Variants in FAM193A observed in about 807,000 individuals in gnomAD.
FAM193A encodes the protein family with sequence similarity 193 member A, also known as protein FAM193A.
FAM193A carries 22 observed loss-of-function variants against 126.5 expected under a neutral mutation model. That is an observed-to-expected ratio of 0.17 (90% confidence interval 0.12 to 0.25). The LOEUF (loss-of-function observed/expected upper bound fraction) is 0.25. FAM193A is among the 10% of genes least tolerant of loss of function. The pLI is 1.00. For synonymous variants in FAM193A, 761 were observed against 646.8 expected (o/e 1.18, Z -2.68); for missense variants, 1,675 against 1,672.8 (o/e 1.00, Z -0.02).
At chr4:2,557,462 A>G (rs1268339976) in intron 1 of FAM193A, among the ~76,000 whole-genome samples, 2 of 152,218 alleles carry the variant, frequency 1.3e-5, no homozygotes, top group African/African-American at 4.8e-5. Flanking sequence ...GATTTTTAAA[A>G]TGTCCTGTTT....
intron 2 of FAM193A, among the ~76,000 whole-genome samples, chr4:2,612,537 T>C (rs548129538): frequency 6.6e-6 from 1 of 152,302 alleles, no homozygotes; most frequent in Non-Finnish European, 1.5e-5. Flanking sequence ...TTTGCTTGTT[T>C]GTTTTTTTCT....
intron 2 of FAM193A, among the ~76,000 whole-genome samples, chr4:2,598,854 C>T (rs574367618): frequency 2.6e-5 from 4 of 152,170 alleles, no homozygotes; most frequent in African/African-American, 7.2e-5. Context: ...GCAAGGTCTC[C>T]GATGGTGGCA....
Position 2,672,205 on chromosome 4 carries a change from G to T in FAM193A, c.2164G>T (p.Ala722Ser). The T allele has an allele frequency of 1.2e-6, 2 of 1,614,130 alleles. No homozygotes were observed. The highest frequency in any genetic ancestry group is 1.1e-5 in the South Asian group (1 of 91,084). ...GACACCATCTGCAATGACAGCCGGA[G>T]CCCTTCCTCCTGGCCATCAGTTCTT... ...GLTPSAMTAG[A>S]LPPGHQFLSP... Residue 722 changes from alanine (A) to serine (S), a missense_variant, in exon 13 of 21, where the codon GCC (alanine) becomes TCC (serine). This residue lies in a region of FAM193A where 1,186 missense variants were observed against 1,109.2 expected (regional missense o/e 1.07). Transcript: ENST00000637812.
intron 19 of FAM193A, among the ~76,000 whole-genome samples, chr4:2,711,725 G>C (rs1718998264): frequency 6.6e-6 from 1 of 151,864 alleles, no homozygotes; most frequent in South Asian, 2.1e-4. Context: ...GAGGCGGGCA[G>C]ATCACTTGAG....
intron 2 of FAM193A, among the ~76,000 whole-genome samples, chr4:2,620,836 CAAAAAAAAAAA>C (rs34305537): frequency 2.6e-4 from 18 of 69,096 alleles, no homozygotes; most frequent in African/African-American, 1.1e-3. Context: ...AACTCCGTCT[CAAAAAAAAAAA>C]AAAAAAAAAA....
intron 20 of FAM193A, among the ~76,000 whole-genome samples, chr4:2,727,743 C>T: frequency 6.6e-6 from 1 of 152,128 alleles, no homozygotes; most frequent in East Asian, 1.9e-4. Flanking sequence ...GGACATAAAT[C>T]CTTTTTTACT....
At chr4:2,625,715 T>G (rs1742886014) in intron 3 of FAM193A, among the ~76,000 whole-genome samples, 1 of 138,248 alleles carries the variant, frequency 7.2e-6, no homozygotes, top group African/African-American at 2.7e-5. Context: ...GCCCTGGAGC[T>G]CATCTTTTTT....
chr4:2,635,463 A>G (rs1743996631), intron 5 of FAM193A, among the ~76,000 whole-genome samples: 1 of 152,244 alleles, frequency 6.6e-6, no homozygotes, highest in Admixed American at 6.5e-5. Flanking sequence ...CATAAATTGC[A>G]TATTTTAACA....
intron 12 of FAM193A, among the ~76,000 whole-genome samples, chr4:2,667,122 A>G (rs1323922792): frequency 2.6e-5 from 4 of 152,220 alleles, no homozygotes; most frequent in Non-Finnish European, 4.4e-5. Context: ...GTACTTGAAA[A>G]TAATTTGAAC....
intron 15 of FAM193A, among the ~76,000 whole-genome samples, chr4:2,691,997 T>G (rs181130856): frequency 6.6e-6 from 1 of 152,182 alleles, no homozygotes; most frequent in East Asian, 1.9e-4. Context: ...TCATGGAGGT[T>G]AACAAGGGAT....
At chr4:2,633,700 T>C (rs1743822824) in intron 5 of FAM193A, among the ~76,000 whole-genome samples, 1 of 151,932 alleles carries the variant, frequency 6.6e-6, no homozygotes, top group African/African-American at 2.4e-5. Context: ...GAGACCAGCC[T>C]GGCCAACGTG....
chr4:2,623,151 G>A (rs1013216928), intron 2 of FAM193A, among the ~76,000 whole-genome samples: 1 of 151,908 alleles, frequency 6.6e-6, no homozygotes, highest in Non-Finnish European at 1.5e-5. Context: ...CTGTGTGCTG[G>A]CGGCAGCTGA....
At chr4:2,588,639 T>TG (rs1740363476) in intron 1 of FAM193A, among the ~76,000 whole-genome samples, 1 of 152,208 alleles carries the variant, frequency 6.6e-6, no homozygotes, top group African/African-American at 2.4e-5. Context: ...AATTTTGAGA[T>TG]GCTACCTACC....
At chr4:2,576,700 A>G (rs760767223) in intron 1 of FAM193A, among the ~76,000 whole-genome samples, 1 of 152,212 alleles carries the variant, frequency 6.6e-6, no homozygotes, top group Admixed American at 6.5e-5. Flanking sequence ...AACAAAATCT[A>G]TATATCTAAA....
At chr4:2,674,799 A>G (rs1474995629) in intron 13 of FAM193A, among the ~76,000 whole-genome samples, 1 of 151,636 alleles carries the variant, frequency 6.6e-6, no homozygotes. Context: ...TGGGAGCTCA[A>G]GACCAGAGCA....
At chr4:2,629,829 C>T (rs999199834) in intron 4 of FAM193A, among the ~76,000 whole-genome samples, 48 of 152,028 alleles carry the variant, frequency 3.2e-4, no homozygotes, top group Non-Finnish European at 1.2e-4. Context: ...CTGTAGAATA[C>T]GTTTTAAAAT....
chr4:2,664,646 A>C (rs910609597), intron 12 of FAM193A, among the ~76,000 whole-genome samples: 4 of 133,224 alleles, frequency 3.0e-5, no homozygotes, highest in Non-Finnish European at 6.1e-5. Flanking sequence ...GCCTCACTGC[A>C]ACCTCTCCCT....
At chr4:2,537,791 C>A (rs1736978904) in intron 1 of FAM193A, among the ~76,000 whole-genome samples, 1 of 152,194 alleles carries the variant, frequency 6.6e-6, no homozygotes, top group Non-Finnish European at 1.5e-5. Context: ...GCAGCCCTGG[C>A]CCCTCCTCCC....
At chr4:2,562,796 A>G (rs1738703699) in intron 1 of FAM193A, among the ~76,000 whole-genome samples, 1 of 150,964 alleles carries the variant, frequency 6.6e-6, no homozygotes. Context: ...TGCCCAGCTA[A>G]TTTTTGTATT....
Sources: allele counts gnomAD v4.1 joint callset (sites outside exome capture counted in the v4.1 genomes callset), GRCh38; gene constraint gnomAD v4.1.1; regional missense constraint gnomAD v4.1.1; transcripts MANE v1.5; gene names NCBI Gene and HGNC (gene_info 2026-07-23, HGNC 2026-07-21).